Variants in GRIN3A observed in about 807,000 individuals in gnomAD.
GRIN3A encodes the protein glutamate receptor ionotropic, NMDA 3A.
In GRIN3A, 47 loss-of-function variants were observed where a neutral mutation model predicts 92.4. The observed-to-expected ratio is 0.51, with a 90% CI of 0.40 to 0.65. The LOEUF is 0.65. Among genes scored for constraint, GRIN3A ranks in the 30% least tolerant of loss-of-function variants. GRIN3A has a pLI of 0.00. For missense variants in GRIN3A, 1,324 were observed against 1,393.1 expected (o/e 0.95, Z 0.79); for synonymous variants, 527 against 540.6 (o/e 0.97, Z 0.35).
intron 6 of GRIN3A, among the ~76,000 whole-genome samples, chr9:101,611,720 C>T (rs1828370640): frequency 1.3e-5 from 2 of 152,210 alleles, no homozygotes; most frequent in East Asian, 1.9e-4. Context: ...AAGGGACACA[C>T]TAAAACAAAA....
Position 101,572,665 on chromosome 9 carries a change from C to T in GRIN3A, c.*509G>A, listed in dbSNP as rs1336145798. ...AGTTAATTTTTAAATACCCCACCCC[C>T]AGTGGGAGGTGCTCTGCTCTTACCT... is the stretch of plus-strand genomic sequence containing the variant. On this transcript the variant is annotated 3_prime_UTR_variant, in exon 9 of 9. Coordinates refer to ENST00000361820, the MANE Select transcript of GRIN3A (RefSeq NM_133445.3). 5.9e-6 allele frequency: 1 copy of T among 168,378 alleles called. No homozygotes were observed. Among genetic ancestry groups the T allele is most frequent in the East Asian group, 1.5e-4 (1 of 6,552 alleles). 10.4% of individuals were successfully genotyped at this position (168,378 alleles called of 1,614,324 possible).
chr9:101,578,878 C>G (rs1044856293), intron 7 of GRIN3A, among the ~76,000 whole-genome samples: 2 of 152,104 alleles, frequency 1.3e-5, no homozygotes, highest in African/African-American at 4.8e-5. Flanking sequence ...AAGAAAAGAA[C>G]CTAGGAAATA....
chr9:101,689,678 A>T (rs937758770), intron 1 of GRIN3A, among the ~76,000 whole-genome samples: 11 of 151,812 alleles, frequency 7.2e-5, no homozygotes, highest in Admixed American at 4.6e-4. Flanking sequence ...GTGTTTTCCA[A>T]TTTCTCCCCA....
intron 6 of GRIN3A, among the ~76,000 whole-genome samples, chr9:101,587,388 C>T (rs1330593570): frequency 6.6e-6 from 1 of 151,928 alleles, no homozygotes; most frequent in East Asian, 1.9e-4. Flanking sequence ...GATTAAGGTC[C>T]TCTAGCTCCG....
At chr9:101,633,084 C>T (rs778658471) in intron 3 of GRIN3A, among the ~76,000 whole-genome samples, 19 of 152,086 alleles carry the variant, frequency 1.2e-4, no homozygotes, top group Admixed American at 7.9e-4. Context: ...CAGACATTCC[C>T]GAGAAAGCAG....
rs1409511039 is a variant in GRIN3A, at chr9:101,571,581, G to T, written c.*1593C>A. ...AGTCTTGTCCTAAATGGTGCCCAGG[G>T]GTGGGGGTGAGGATGTTGAAGGAGA... On this transcript the variant is annotated 3_prime_UTR_variant, in exon 9 of 9. Transcript: ENST00000361820. The T allele has an allele frequency of 6.6e-6, 1 of 152,188 alleles. No homozygotes were observed. The highest frequency in any genetic ancestry group is 1.5e-5 in the Non-Finnish European group (1 of 68,054). 9.4% of individuals were successfully genotyped at this position (152,188 alleles called of 1,614,324 possible).
intron 3 of GRIN3A, among the ~76,000 whole-genome samples, chr9:101,668,805 C>T (rs12376170): frequency 0.33 from 50,868 of 151,992 alleles, 9,442 homozygotes; most frequent in Non-Finnish European, 0.41. Flanking sequence ...TTACATCCAA[C>T]TGAAACCATC....
At chr9:101,592,996 G>C (rs548336737) in intron 6 of GRIN3A, 1 of 152,272 alleles carries the variant, frequency 6.6e-6, no homozygotes, top group South Asian at 2.1e-4. Context: ...CACAGATGCT[G>C]GGACAAGTCC....
chr9:101,659,359 GTATC>G (rs1829138871), intron 3 of GRIN3A, among the ~76,000 whole-genome samples: 1 of 148,584 alleles, frequency 6.7e-6, no homozygotes, highest in Non-Finnish European at 1.5e-5. Flanking sequence ...TAGAAAGTAT[GTATC>G]TATGTATTTA....
At chr9:101,718,587 T>C (rs1474752963) in intron 1 of GRIN3A, among the ~76,000 whole-genome samples, 1 of 152,232 alleles carries the variant, frequency 6.6e-6, no homozygotes, top group African/African-American at 2.4e-5. Context: ...TATAGGTTAC[T>C]GTTTGGCAGA....
chr9:101,713,620 G>C (rs1450850611), intron 1 of GRIN3A, among the ~76,000 whole-genome samples: 1 of 152,182 alleles, frequency 6.6e-6, no homozygotes, highest in Non-Finnish European at 1.5e-5. Context: ...CAATGTGCTT[G>C]GTAACTTAGT....
chr9:101,662,100 A>T (rs909316441), intron 3 of GRIN3A, among the ~76,000 whole-genome samples: 6 of 151,910 alleles, frequency 3.9e-5, no homozygotes, highest in African/African-American at 1.4e-4. Context: ...CGCATAACAT[A>T]CAAGGTAGCA....
intron 1 of GRIN3A, among the ~76,000 whole-genome samples, chr9:101,704,789 TTTTTAATTTAATTTAAGATA>T (rs1473371297): frequency 6.6e-6 from 1 of 152,234 alleles, no homozygotes; most frequent in Non-Finnish European, 1.5e-5. Flanking sequence ...ATTGAATGCA[TTTTTAATTTAATTTAAGATA>T]TTTTAATTTA....
intron 1 of GRIN3A, among the ~76,000 whole-genome samples, chr9:101,690,314 C>T (rs2118984785): frequency 6.6e-6 from 1 of 152,206 alleles, no homozygotes; most frequent in African/African-American, 2.4e-5. Context: ...TGTAATTTTT[C>T]TACACTTTGA....
chr9:101,630,155 T>C (rs1335628438), intron 3 of GRIN3A, among the ~76,000 whole-genome samples: 1 of 152,208 alleles, frequency 6.6e-6, no homozygotes, highest in Non-Finnish European at 1.5e-5. Flanking sequence ...TTTTGTCTTG[T>C]GTAGCTTCAC....
At chr9:101,624,559 A>AT (rs1828604843) in intron 4 of GRIN3A, among the ~76,000 whole-genome samples, 1 of 152,156 alleles carries the variant, frequency 6.6e-6, no homozygotes, top group Non-Finnish European at 1.5e-5. Context: ...TGAACTCATC[A>AT]TTTTTTATGG....
At chr9:101,680,203 T>C (rs960864782) in intron 2 of GRIN3A, among the ~76,000 whole-genome samples, 4 of 152,204 alleles carry the variant, frequency 2.6e-5, no homozygotes, top group Non-Finnish European at 4.4e-5. Context: ...ATGGTGACAG[T>C]GGACAGAATA....
intron 5 of GRIN3A, among the ~76,000 whole-genome samples, chr9:101,621,102 TG>T (rs1025532105): frequency 6.6e-6 from 1 of 151,916 alleles, no homozygotes; most frequent in Non-Finnish European, 1.5e-5. Flanking sequence ...CTGGCCAACA[TG>T]GTGAAATCCT....
At chr9:101,610,489 A>G (rs1828346798) in intron 6 of GRIN3A, among the ~76,000 whole-genome samples, 1 of 152,174 alleles carries the variant, frequency 6.6e-6, no homozygotes, top group Middle Eastern at 3.2e-3. Flanking sequence ...AAAAATTTCC[A>G]ACCCATCCTA....
Sources: gnomAD v4.1 joint callset for allele counts (sites outside exome capture counted in the v4.1 genomes callset) on GRCh38, gnomAD v4.1.1 for gene constraint, MANE v1.5 for transcripts, NCBI Gene and HGNC (gene_info 2026-07-23, HGNC 2026-07-21) for gene names.